The following NBEAL1 variants were observed in gnomAD, a reference collection of about 807,000 sequenced individuals.
The protein encoded by NBEAL1 is neurobeachin-like protein 1.
In NBEAL1, 273 loss-of-function variants were observed where a neutral mutation model predicts 351.3. That is an observed-to-expected ratio of 0.78 (90% CI 0.70 to 0.86). The LOEUF (loss-of-function observed/expected upper bound fraction) is 0.86, where lower values mean the gene tolerates loss of function less well. Ranked by LOEUF, NBEAL1 falls within the 40% of genes least tolerant of loss-of-function variation. The pLI is 0.00. For missense variants in NBEAL1, 2,961 were observed against 3,201.3 expected (o/e 0.92, Z 1.81); for synonymous variants, 1,050 against 1,086.4 (o/e 0.97, Z 0.66).
intron 45 of NBEAL1, among the ~76,000 whole-genome samples, chr2:203,188,861 C>A (rs2064988874): frequency 6.6e-6 from 1 of 152,118 alleles, no homozygotes; most frequent in African/African-American, 2.4e-5. Context: ...ATTAAATATT[C>A]AGTATTAAAC....
intron 51 of NBEAL1, among the ~76,000 whole-genome samples, chr2:203,206,254 AAT>A (rs1242004636): frequency 6.6e-6 from 1 of 152,220 alleles, no homozygotes; most frequent in East Asian, 1.9e-4. Flanking sequence ...ATACTCCATA[AAT>A]ATATATACCT....
intron 2 of NBEAL1, among the ~76,000 whole-genome samples, chr2:203,016,899 G>A (rs551016704): frequency 5.9e-5 from 9 of 152,250 alleles, no homozygotes; most frequent in Middle Eastern, 6.8e-3. Flanking sequence ...CACTCTTTGA[G>A]CATTGTCTCA....
chr2:203,018,322 ATCT>A (rs551054133), intron 2 of NBEAL1, among the ~76,000 whole-genome samples: 1,645 of 149,916 alleles, frequency 0.011, 13 homozygotes, highest in Non-Finnish European at 0.02. Flanking sequence ...GAGGACTCAG[ATCT>A]TCTTATGAAA....
rs374077480 is a variant in NBEAL1 at position 203,116,015 on chromosome 2, A to G, written c.2537A>G (p.Gln846Arg). 34 of 1,553,578 alleles carry G rather than the reference A, an allele frequency of 2.2e-5. No individual in the cohort carries two copies. In the African/African-American group the frequency reaches 4.6e-4, roughly 21 times the overall value. ...GPNCLSPWKC[Q>R]ESDMADLPGN... is the part of the protein sequence containing the mutation. The stretch of plus-strand genomic sequence containing the variant: ...AATTGTTTAAGCCCTTGGAAGTGTC[A>G]AGAGTCTGACATGGCCGACCTGCCT... Residue 846 changes from glutamine (Q) to arginine (R), a missense_variant, in exon 18 of 56, where the codon CAA becomes CGA. Gln to Arg is a conservative substitution (Grantham distance 43). Transcript: ENST00000683969.
At chr2:203,160,812 T>G (rs2063933121) in intron 36 of NBEAL1, among the ~76,000 whole-genome samples, 1 of 152,184 alleles carries the variant, frequency 6.6e-6, no homozygotes, top group African/African-American at 2.4e-5. Context: ...TTTTGTTTTG[T>G]TTTTTGTTGT....
chr2:203,185,912 G>C (rs2064884265), intron 44 of NBEAL1, among the ~76,000 whole-genome samples: 1 of 152,206 alleles, frequency 6.6e-6, no homozygotes, highest in South Asian at 2.1e-4. Context: ...AGTGCTAACA[G>C]TGAGAAAGAA....
At chr2:203,021,586 C>T (rs1478826113) in intron 2 of NBEAL1, among the ~76,000 whole-genome samples, 1 of 151,292 alleles carries the variant, frequency 6.6e-6, no homozygotes, top group African/African-American at 2.4e-5. Flanking sequence ...CAGAGTGAGA[C>T]CCCATTTAAA....
intron 33 of NBEAL1, among the ~76,000 whole-genome samples, chr2:203,145,410 T>C (rs1456331994): frequency 6.6e-6 from 1 of 152,228 alleles, no homozygotes; most frequent in African/African-American, 2.4e-5. Flanking sequence ...CTAAGGAGGC[T>C]GGATACATAC....
At chr2:203,155,357 G>C (rs950822490) in intron 35 of NBEAL1, among the ~76,000 whole-genome samples, 4 of 151,656 alleles carry the variant, frequency 2.6e-5, no homozygotes, top group Non-Finnish European at 5.9e-5. Flanking sequence ...TCCTCACCTT[G>C]CTTCCATTGT....
chr2:203,212,042 G>A (rs768343671), intron 54 of NBEAL1, among the ~76,000 whole-genome samples: 19 of 151,786 alleles, frequency 1.3e-4, no homozygotes, highest in Non-Finnish European at 2.1e-4. Flanking sequence ...GCGTGCCATC[G>A]TGCCCAGCTA....
At chr2:203,197,537 G>C in intron 48 of NBEAL1, 146 bp downstream of exon 48, 1 of 516,382 alleles carries the variant, frequency 1.9e-6, no homozygotes, top group Non-Finnish European at 3.5e-6. Context: ...GGGAGGTTGA[G>C]ACAAGCAGAT....
Position 203,144,678 on chromosome 2 carries a change from AT to A in NBEAL1, c.4931del (p.Leu1644Ter). 1 of 1,614,154 alleles carries A rather than the reference AT, an allele frequency of 6.2e-7. No homozygotes were observed. The highest frequency in any genetic ancestry group is 8.5e-7 in the Non-Finnish European group (1 of 1,180,002). On this transcript the variant is annotated frameshift_variant, in exon 32 of 56. Coordinates refer to ENST00000683969, the MANE Select transcript of NBEAL1 (RefSeq NM_001378026.1). LOFTEE classifies it high-confidence loss of function. The part of the protein sequence containing the change: ...VIENQDEACY[I>X]LGKLEHVLSQ... ...TGAAAATCAGGATGAAGCATGTTAC[AT>A]TTTAGGGAAGCTGGAACATGTTCTA...
chr2:203,079,136 GT>G (rs1343251995), intron 8 of NBEAL1, among the ~76,000 whole-genome samples: 1 of 152,148 alleles, frequency 6.6e-6, no homozygotes, highest in African/African-American at 2.4e-5. Context: ...GTGGAGTGCA[GT>G]GGCTCTATCA....
intron 31 of NBEAL1, among the ~76,000 whole-genome samples, chr2:203,141,917 A>G (rs554858334): frequency 1.1e-4 from 17 of 152,328 alleles, no homozygotes; most frequent in Admixed American, 1.0e-3. Context: ...TAAAAATTTT[A>G]CATAAAAACT....
At chr2:203,167,197 T>A in intron 37 of NBEAL1, 30 bp from the exon 38 acceptor site, 1 of 1,591,362 alleles carries the variant, frequency 6.3e-7, no homozygotes, top group East Asian at 2.2e-5. Flanking sequence ...TTATATGGTA[T>A]CTCAGTCACA....
chr2:203,188,128 A>G (rs376677120), intron 44 of NBEAL1, among the ~76,000 whole-genome samples: 1 of 152,158 alleles, frequency 6.6e-6, no homozygotes, highest in African/African-American at 2.4e-5. Context: ...CTAGACAACT[A>G]TTTCAATGGA....
chr2:203,112,724 A>G (rs2062600282), intron 16 of NBEAL1, among the ~76,000 whole-genome samples: 2 of 152,332 alleles, frequency 1.3e-5, no homozygotes, highest in South Asian at 4.1e-4. Context: ...CAGTGAAGTT[A>G]AAAAAGTTCA....
intron 42 of NBEAL1, among the ~76,000 whole-genome samples, chr2:203,176,061 T>C (rs1422988087): frequency 2.0e-5 from 3 of 152,216 alleles, no homozygotes; most frequent in Non-Finnish European, 4.4e-5. Context: ...CATGTAACCT[T>C]TGATGGTGAC....
chr2:203,028,040 C>T (rs541393845), intron 2 of NBEAL1, among the ~76,000 whole-genome samples: 12 of 152,188 alleles, frequency 7.9e-5, no homozygotes, highest in South Asian at 4.2e-4. Flanking sequence ...CGTGCCACCA[C>T]GCCTAGCTAA....
Sources: allele counts gnomAD v4.1 joint callset (sites outside exome capture counted in the v4.1 genomes callset), GRCh38; gene constraint gnomAD v4.1.1; transcripts MANE v1.5; gene names NCBI Gene and HGNC (gene_info 2026-07-23, HGNC 2026-07-21).